Variants in ALDH2 observed in about 807,000 individuals in gnomAD.
The protein encoded by ALDH2 is aldehyde dehydrogenase 2 family member.
Under a neutral mutation model 59.6 loss-of-function variants are expected in ALDH2, and 44 were observed. The observed-to-expected ratio is 0.74, with a 90% CI of 0.58 to 0.95. The LOEUF (loss-of-function observed/expected upper bound fraction) is 0.95. ALDH2 is among the 40% of genes least tolerant of loss of function. ALDH2 has a pLI of 0.00. For synonymous variants in ALDH2, 291 were observed against 284.0 expected (o/e 1.02, Z -0.25); for missense variants, 570 against 696.3 (o/e 0.82, Z 2.04).
rs1298533756 is a variant in ALDH2, at chr12:111,815,667, G to A, written c.*6092G>A. ...ATGGCTTATTTTTTGTAGAGATGGG[G>A]TCTCACTGTGTTGTTTAGGCTGGTC... On this transcript the variant is annotated 3_prime_UTR_variant, in exon 13 of 13. Transcript: ENST00000261733. 6.6e-6 allele frequency: 1 copy of A among 152,008 alleles called. No individual in the cohort carries two copies. Among genetic ancestry groups the A allele is most frequent in the Non-Finnish European group, 1.5e-5 (1 of 68,014 alleles). 9.4% of individuals were successfully genotyped at this position (152,008 alleles called of 1,614,324 possible). A position where few individuals can be genotyped will look rare whatever the true frequency, so the allele number is the denominator to read the frequency against.
chr12:111,808,936 G>C (rs1417618121), intron 12 of ALDH2, among the ~76,000 whole-genome samples: 1 of 152,110 alleles, frequency 6.6e-6, no homozygotes, highest in East Asian at 1.9e-4. Context: ...ATCAAAGATG[G>C]CACCCAGGTT....
chr12:111,809,540 C>G lies in ALDH2; in HGVS notation c.1522-3C>G. The stretch of plus-strand genomic sequence containing the variant: ...TCTAACGGCTTCTCTGTCCCCCTTA[C>G]AGGTCACAGTCAAAGTGCCTCAGAA... On this transcript the variant is annotated splice_polypyrimidine_tract_variant and splice_region_variant and intron_variant, in intron 12 of 12. Transcript: ENST00000261733. 2 of 1,614,174 alleles carry G rather than the reference C, an allele frequency of 1.2e-6. No homozygotes were observed. Among genetic ancestry groups the G allele is most frequent in the Non-Finnish European group, 1.7e-6 (2 of 1,180,018 alleles).
intron 11 of ALDH2, among the ~76,000 whole-genome samples, chr12:111,803,281 C>CAA (rs59141978): frequency 1.1e-3 from 143 of 135,462 alleles, no homozygotes; most frequent in African/African-American, 3.6e-3. Flanking sequence ...TTTTAAATTG[C>CAA]AAAAAAAAAA....
intron 6 of ALDH2, 26 bp downstream of exon 6, chr12:111,790,588 C>T: frequency 2.5e-6 from 4 of 1,614,054 alleles, no homozygotes; most frequent in Non-Finnish European, 2.5e-6. Context: ...TGGTCTTAAC[C>T]TCTAAATGCC....
At position 111,810,950 on chromosome 12, in the gene ALDH2, G is replaced by C. The variant is rs1380613039; in HGVS notation, c.*1375G>C. 4 of 152,150 alleles carry C rather than the reference G, an allele frequency of 2.6e-5. No individual in the cohort carries two copies. The highest frequency in any genetic ancestry group is 2.6e-4 in the Admixed American group (4 of 15,278). 9.4% of individuals were successfully genotyped at this position (152,150 alleles called of 1,614,324 possible). Reference sequence around the variant, plus strand: ...TCATAATAGATTGATTTGGAAACCAGATGTCAATTTACTTACTTTAAGTGA... The same window carrying C: ...TCATAATAGATTGATTTGGAAACCACATGTCAATTTACTTACTTTAAGTGA... On this transcript the variant is annotated 3_prime_UTR_variant, in exon 13 of 13. Transcript: ENST00000261733.
chr12:111,790,200 G>A (rs1366946437), intron 5 of ALDH2, among the ~76,000 whole-genome samples: 2 of 152,174 alleles, frequency 1.3e-5, no homozygotes, highest in Non-Finnish European at 2.9e-5. Context: ...GAGGTAATTA[G>A]GGCTTAGCAT....
At chr12:111,767,241 C>T in intron 1 of ALDH2, 145 bp downstream of exon 1, 2 of 603,648 alleles carry the variant, frequency 3.3e-6, no homozygotes, top group South Asian at 4.5e-5. Flanking sequence ...GCACATCTGC[C>T]CCCTCCTCTC....
intron 4 of ALDH2, among the ~76,000 whole-genome samples, chr12:111,786,321 C>G (rs2068308553): frequency 6.7e-6 from 1 of 149,764 alleles, no homozygotes; most frequent in African/African-American, 2.5e-5. Context: ...ACTGCAAGCT[C>G]CGCCTCCCGG....
At chr12:111,797,511 G>C (rs2136022479) in intron 9 of ALDH2, among the ~76,000 whole-genome samples, 1 of 152,106 alleles carries the variant, frequency 6.6e-6, no homozygotes, top group East Asian at 1.9e-4. Flanking sequence ...TGAGGTGGGA[G>C]GATCATTTGA....
At chr12:111,779,089 C>G (rs1450671541) in intron 1 of ALDH2, among the ~76,000 whole-genome samples, 1 of 152,148 alleles carries the variant, frequency 6.6e-6, no homozygotes, top group Non-Finnish European at 1.5e-5. Flanking sequence ...CTCCTGAGCT[C>G]AAGCAATCCT....
chr12:111,771,723 G>A (rs1245897830), intron 1 of ALDH2, among the ~76,000 whole-genome samples: 1 of 152,228 alleles, frequency 6.6e-6, no homozygotes, highest in East Asian at 1.9e-4. Context: ...TCCTTGGTGT[G>A]AGGGTGGTTA....
chr12:111,786,219 G>T (rs2136015421), intron 4 of ALDH2, among the ~76,000 whole-genome samples: 2 of 151,792 alleles, frequency 1.3e-5, no homozygotes, highest in Middle Eastern at 6.8e-3. Flanking sequence ...AAAAATGTTT[G>T]ATTGATTGAT....
chr12:111,789,929 A>G lies in ALDH2; in HGVS notation c.547A>G (p.Ile183Val), dbSNP rs1368794348. The change falls in exon 5 of 13, where the codon ATT (isoleucine) becomes GTT (valine). Residue 183 changes from isoleucine (I) to valine (V), a missense_variant. Ile to Val is a conservative substitution (Grantham distance 29). Coordinates refer to ENST00000261733, the MANE Select transcript of ALDH2 (RefSeq NM_000690.4). ...HEPVGVCGQIIPWNFPLLMQA... is the reference protein window; with the variant it reads ...HEPVGVCGQIVPWNFPLLMQA... Reference sequence around the variant, plus strand: ...ACCTGTGGGGGTGTGCGGGCAGATCATTCCGGTGAGTCCAGCCTCCCTGGA... The same window carrying G: ...ACCTGTGGGGGTGTGCGGGCAGATCGTTCCGGTGAGTCCAGCCTCCCTGGA... The G allele has an allele frequency of 3.1e-6, 5 of 1,613,860 alleles. No individual in the cohort carries two copies. The highest frequency in any genetic ancestry group is 4.5e-5 in the East Asian group (2 of 44,900).
chr12:111,804,932 A>G (rs61941278), intron 12 of ALDH2, among the ~76,000 whole-genome samples: 1,719 of 152,320 alleles, frequency 0.011, 10 homozygotes, highest in Non-Finnish European at 0.019. Flanking sequence ...TATAGCCTGA[A>G]GGACCCATCA....
intron 1 of ALDH2, among the ~76,000 whole-genome samples, chr12:111,779,218 G>T (rs575998739): frequency 6.7e-6 from 1 of 150,034 alleles, no homozygotes; most frequent in African/African-American, 2.5e-5. Flanking sequence ...AGAGGGTCTT[G>T]CTCTGTCACC....
intron 3 of ALDH2, among the ~76,000 whole-genome samples, chr12:111,783,644 G>A (rs2068289760): frequency 6.6e-6 from 1 of 152,172 alleles, no homozygotes; most frequent in South Asian, 2.1e-4. Flanking sequence ...CAAGTAGCTG[G>A]AATTACAGGC....
intron 11 of ALDH2, among the ~76,000 whole-genome samples, chr12:111,801,677 C>T (rs1185881410): frequency 6.2e-5 from 9 of 144,136 alleles, no homozygotes; most frequent in Non-Finnish European, 1.0e-4. Flanking sequence ...CCAGCCTGAG[C>T]GATAGAGTGA....
At chr12:111,785,181 A>T in intron 3 of ALDH2, 86 bp from the exon 4 acceptor site, 3 of 1,067,508 alleles carry the variant, frequency 2.8e-6, no homozygotes, top group Non-Finnish European at 4.4e-6. Flanking sequence ...AGCCCTTCTC[A>T]GTCCCAGCCT....
At chr12:111,776,779 G>A (rs2068238032) in intron 1 of ALDH2, among the ~76,000 whole-genome samples, 1 of 151,878 alleles carries the variant, frequency 6.6e-6, no homozygotes, top group African/African-American at 2.4e-5. Context: ...CCATCTCCTA[G>A]GTTCAAGCAA....
Sources: gnomAD v4.1 joint callset for allele counts (sites outside exome capture counted in the v4.1 genomes callset) on GRCh38, gnomAD v4.1.1 for gene constraint, MANE v1.5 for transcripts, NCBI Gene and HGNC (gene_info 2026-07-23, HGNC 2026-07-21) for gene names.